Variants in MSX1 observed in about 807,000 individuals in gnomAD.
MSX1 encodes msh homeobox 1, also known as homeobox protein MSX-1.
Under a neutral mutation model 17.0 loss-of-function variants are expected in MSX1, and 11 were observed. The observed-to-expected ratio is 0.65, with a 90% CI of 0.41 to 1.07. MSX1 has a LOEUF of 1.07. MSX1 is among the 50% of genes least tolerant of loss of function. The pLI is 0.00. For missense variants in MSX1, 477 were observed against 440.1 expected, an observed-to-expected ratio of 1.08 and a Z score of -0.75; for synonymous variants, 253 against 211.8, an observed-to-expected ratio of 1.19 and a Z score of -1.69.
At chr4:4,860,398 AGGGGGCCGGGTG>A (rs1212260050) in intron 1 of MSX1, 30 bp downstream of exon 1, 1 of 1,388,862 alleles carries the variant, frequency 7.2e-7, no homozygotes, top group Non-Finnish European at 1.0e-6. Context: ...GCGCAGAGGG[AGGGGGCCGGGTG>A]GGGGCCGGGT....
chr4:4,859,822 G>C lies in MSX1; in HGVS notation c.-78G>C, dbSNP rs1218491601. On this transcript the variant is annotated 5_prime_UTR_variant, in exon 1 of 2. Coordinates refer to ENST00000382723, the MANE Select transcript of MSX1 (RefSeq NM_002448.3). ...AGGGCCCCGGGCGCTCGCAGAGGCCGGCCGCGCTCCCAGCCCGCCCGGAGC... is the reference window on the plus strand; with the variant it reads ...AGGGCCCCGGGCGCTCGCAGAGGCCCGCCGCGCTCCCAGCCCGCCCGGAGC... 2.3e-5 allele frequency: 30 copies of C among 1,283,128 alleles called. No individual in the cohort carries two copies. In the Admixed American group the frequency reaches 9.5e-4, roughly 41 times the overall value. The allele number at this position is 1,283,128 out of a possible 1,614,324, so 79.5% of individuals were successfully genotyped here. A position where few individuals can be genotyped will look rare whatever the true frequency, so the allele number is the denominator to read the frequency against.
Position 4,859,954 on chromosome 4 carries a change from T to C in MSX1, c.55T>C (p.Ser19Pro). ...SLPLGVKVEDSAFGKPAGGGA... is the reference protein window; with the variant it reads ...SLPLGVKVEDPAFGKPAGGGA... ...GCCACTCGGTGTCAAAGTGGAGGACTCCGCCTTCGGCAAGCCGGCGGGGGG... is the reference window on the plus strand; with the variant it reads ...GCCACTCGGTGTCAAAGTGGAGGACCCCGCCTTCGGCAAGCCGGCGGGGGG... Residue 19 changes from serine (S) to proline (P), a missense_variant, in exon 1 of 2, where the codon TCC becomes CCC. By Grantham distance (74) the Ser-to-Pro change is moderately conservative. Coordinates refer to ENST00000382723, the MANE Select transcript of MSX1 (RefSeq NM_002448.3). 6.7e-7 allele frequency: 1 copy of C among 1,494,932 alleles called. No homozygotes were observed. The allele number at this position is 1,494,932 out of a possible 1,614,324, so 92.6% of individuals were successfully genotyped here. A position where few individuals can be genotyped will look rare whatever the true frequency, so the allele number is the denominator to read the frequency against.
rs104893853 is a variant in MSX1, at chr4:4,862,854, C to G, written c.623C>G (p.Ser208Trp). ...SIAERAEFSS[S>W]LSLTETQVKI... ...GCCGAGCGCGCGGAGTTCTCCAGCT[C>G]GCTCAGCCTCACTGAGACGCAGGTG... The change falls in exon 2 of 2, where the codon TCG becomes TGG. Residue 208 changes from serine to tryptophan, a missense_variant. Ser to Trp is a radical substitution (Grantham distance 177). Around this residue, in one of 3 missense-constraint regions of MSX1, gnomAD observed 355 missense variants for 306.1 expected, o/e 1.16. Coordinates refer to ENST00000382723, the MANE Select transcript of MSX1 (RefSeq NM_002448.3). 12 of 1,613,720 alleles carry G rather than the reference C, an allele frequency of 7.4e-6. No individual in the cohort carries two copies. Among genetic ancestry groups the G allele is most frequent in the East Asian group, 2.2e-5 (1 of 44,888 alleles).
chr4:4,859,823 G>GCCGCGCTCCCAGCCCGC lies in MSX1; in HGVS notation c.-73_-57dup. On this transcript the variant is annotated 5_prime_UTR_variant, in exon 1 of 2. Coordinates refer to ENST00000382723, the MANE Select transcript of MSX1 (RefSeq NM_002448.3). Reference sequence around the variant, plus strand: ...GGGCCCCGGGCGCTCGCAGAGGCCGGCCGCGCTCCCAGCCCGCCCGGAGCC... The same window carrying GCCGCGCTCCCAGCCCGC: ...GGGCCCCGGGCGCTCGCAGAGGCCGGCCGCGCTCCCAGCCCGCCCGCGCTCCCAGCCCGCCCGGAGCC... The GCCGCGCTCCCAGCCCGC allele has an allele frequency of 7.7e-7, 1 of 1,290,496 alleles. No homozygotes were observed. The highest frequency in any genetic ancestry group is 3.3e-5 in the East Asian group (1 of 30,072). 79.9% of individuals were successfully genotyped at this position (1,290,496 alleles called of 1,614,324 possible). A position where few individuals can be genotyped will look rare whatever the true frequency, so the allele number is the denominator to read the frequency against.
At chr4:4,860,410 G>A (rs1560309650) in intron 1 of MSX1, 42 bp downstream of exon 1, 1 of 1,411,730 alleles carries the variant, frequency 7.1e-7, no homozygotes, top group Non-Finnish European at 9.2e-7. Flanking sequence ...GGGGCCGGGT[G>A]GGGGCCGGGT....
rs535059955 is a variant in MSX1 at position 4,861,473 on chromosome 4, CTTTGT to C, written c.469+1119_469+1123del. Among the ~76,000 whole-genome samples, 276 of 152,298 alleles carry C rather than the reference CTTTGT, an allele frequency of 1.8e-3. 2 individuals are homozygous for C. The highest frequency in any genetic ancestry group is 5.7e-3 in the African/African-American group (237 of 41,566). ...AAAGTCCAAAGGATCGTTGTGTTTT[CTTTGT>C]TTTGTTTTGTTTTTTCTGTTTGTTT... On this transcript the variant is annotated intron_variant, in intron 1 of 1. Transcript: ENST00000382723.
chr4:4,863,870 T>C lies in MSX1; in HGVS notation c.*727T>C, dbSNP rs1737991687. 6.6e-6 allele frequency: 1 copy of C among 152,598 alleles called. No individual in the cohort carries two copies. Among genetic ancestry groups the C allele is most frequent in the Admixed American group, 6.5e-5 (1 of 15,288 alleles). The allele number at this position is 152,598 out of a possible 1,614,324, so 9.5% of individuals were successfully genotyped here. A position where few individuals can be genotyped will look rare whatever the true frequency, so the allele number is the denominator to read the frequency against. ...GTGTACTATGTAATATACTGTATATTTGAAATTTTATTATCATTTATATTA... is the reference window on the plus strand; with the variant it reads ...GTGTACTATGTAATATACTGTATATCTGAAATTTTATTATCATTTATATTA... On this transcript the variant is annotated 3_prime_UTR_variant, in exon 2 of 2. Transcript: ENST00000382723.
Position 4,863,089 on chromosome 4 carries a change from G to A in MSX1, c.858G>A (p.Ala286=), listed in dbSNP as rs1049609464. Residue 286 remains alanine (A), a synonymous_variant, in exon 2 of 2, where the codon GCG becomes GCA. Coordinates refer to ENST00000382723, the MANE Select transcript of MSX1 (RefSeq NM_002448.3). ...TCCAGCGCGCCGCGCTGCCTGTGGC[G>A]CCCGTGGGACTCTACACGGCCCATG... ...GPFQRAALPV[A]PVGLYTAHVG... 4 of 1,609,042 alleles carry A rather than the reference G, an allele frequency of 2.5e-6. No individual in the cohort carries two copies. The highest frequency in any genetic ancestry group is 3.4e-6 in the Non-Finnish European group (4 of 1,178,780).
chr4:4,863,046 A>T lies in MSX1; in HGVS notation c.815A>T (p.Tyr272Phe), dbSNP rs1377042881. ...GCGGCCGCGGCGGGTGCCTCGCTCT[A>T]CGGTGCCTCTGGCCCCTTCCAGCGC... Reference protein sequence around the residue: ...AVAAAAGASLYGASGPFQRAA... With the variant: ...AVAAAAGASLFGASGPFQRAA... Residue 272 changes from tyrosine (Y) to phenylalanine (F), a missense_variant, in exon 2 of 2, where the codon TAC becomes TTC. Physicochemically the swap from Tyr to Phe is conservative, Grantham distance 22 (BLOSUM62 3). This residue lies in a region of MSX1 where 114 missense variants were observed against 106.3 expected (regional missense o/e 1.07). Transcript: ENST00000382723. The T allele has an allele frequency of 6.2e-7, 1 of 1,609,656 alleles. No homozygotes were observed. The highest frequency in any genetic ancestry group is 1.3e-5 in the African/African-American group (1 of 74,828).
At position 4,862,959 on chromosome 4, in the gene MSX1, A is replaced by G; in HGVS notation, c.728A>G (p.Lys243Arg). The change falls in exon 2 of 2, where the codon AAG (lysine) becomes AGG (arginine). Residue 243 changes from lysine (K) to arginine (R), a missense_variant. Physicochemically the swap from Lys to Arg is conservative, Grantham distance 26 (BLOSUM62 2). Coordinates refer to ENST00000382723, the MANE Select transcript of MSX1 (RefSeq NM_002448.3). ...AELEKLKMAA[K>R]PMLPPAAFGL... is the part of the protein sequence containing the mutation. ...CTGGAGAAGCTGAAGATGGCCGCCA[A>G]GCCCATGCTGCCACCGGCTGCCTTC... 6.2e-7 allele frequency: 1 copy of G among 1,613,214 alleles called. No homozygotes were observed. The highest frequency in any genetic ancestry group is 8.5e-7 in the Non-Finnish European group (1 of 1,179,992).
Position 4,863,099 on chromosome 4 carries a change from C to G in MSX1, c.868C>G (p.Leu290Val). The change falls in exon 2 of 2, where the codon CTC becomes GTC. Residue 290 changes from leucine (L) to valine (V), a missense_variant. Around this residue, in one of 3 missense-constraint regions of MSX1, gnomAD observed 114 missense variants for 106.3 expected, o/e 1.07. Coordinates refer to ENST00000382723, the MANE Select transcript of MSX1 (RefSeq NM_002448.3). ...RAALPVAPVG[L>V]YTAHVGYSMY... is the part of the protein sequence containing the mutation. Reference sequence around the variant, plus strand: ...CGCGCTGCCTGTGGCGCCCGTGGGACTCTACACGGCCCATGTGGGCTACAG... The same window carrying G: ...CGCGCTGCCTGTGGCGCCCGTGGGAGTCTACACGGCCCATGTGGGCTACAG... 6.2e-7 allele frequency: 1 copy of G among 1,609,382 alleles called. No homozygotes were observed. Among genetic ancestry groups the G allele is most frequent in the South Asian group, 1.1e-5 (1 of 90,872 alleles).
chr4:4,859,899 C>T lies in MSX1; in HGVS notation c.-1C>T, dbSNP rs1422181882. On this transcript the variant is annotated 5_prime_UTR_variant, in exon 1 of 2. Transcript: ENST00000382723. ...CGGCAGAAGGGGGGGCCCGGCTCTG[C>T]ATGGCCCCGGCTGCTGACATGACTT... 3.4e-6 allele frequency: 5 copies of T among 1,491,290 alleles called. No homozygotes were observed. The highest frequency in any genetic ancestry group is 2.4e-4 in the Middle Eastern group (1 of 4,196). 92.4% of individuals were successfully genotyped at this position (1,491,290 alleles called of 1,614,324 possible). A position where few individuals can be genotyped will look rare whatever the true frequency, so the allele number is the denominator to read the frequency against.
Position 4,859,989 on chromosome 4 carries a change from C to A in MSX1, c.90C>A (p.Gly30=), listed in dbSNP as rs927420896. 9 of 1,491,160 alleles carry A rather than the reference C, an allele frequency of 6.0e-6. No homozygotes were observed. The highest frequency in any genetic ancestry group is 2.8e-5 in the East Asian group (1 of 35,580). 92.4% of individuals were successfully genotyped at this position (1,491,160 alleles called of 1,614,324 possible). A position where few individuals can be genotyped will look rare whatever the true frequency, so the allele number is the denominator to read the frequency against. ...AFGKPAGGGA[G]QAPSAAAATA... is the part of the protein sequence containing the mutation. ...GCAAGCCGGCGGGGGGAGGCGCGGG[C>A]CAGGCCCCCAGCGCCGCCGCGGCCA... The change falls in exon 1 of 2, where the codon GGC becomes GGA. Residue 30 remains glycine, a synonymous_variant. Coordinates refer to ENST00000382723, the MANE Select transcript of MSX1 (RefSeq NM_002448.3).
At position 4,863,348 on chromosome 4, in the gene MSX1, T is replaced by C. The variant is rs1265565318; in HGVS notation, c.*205T>C. ...CTGGAAGAGTCCCTTAGTACTCTTCTAGCATTTAGATCTACACTCTCGAGT... is the reference window on the plus strand; with the variant it reads ...CTGGAAGAGTCCCTTAGTACTCTTCCAGCATTTAGATCTACACTCTCGAGT... On this transcript the variant is annotated 3_prime_UTR_variant, in exon 2 of 2. Transcript: ENST00000382723. 2 of 379,078 alleles carry C rather than the reference T, an allele frequency of 5.3e-6. No homozygotes were observed. Among genetic ancestry groups the C allele is most frequent in the Non-Finnish European group, 9.1e-6 (2 of 220,600 alleles). 23.5% of individuals were successfully genotyped at this position (379,078 alleles called of 1,614,324 possible). A position where few individuals can be genotyped will look rare whatever the true frequency, so the allele number is the denominator to read the frequency against.
intron 1 of MSX1, among the ~76,000 whole-genome samples, chr4:4,862,126 ACTC>A (rs1264008575): frequency 6.6e-6 from 1 of 152,024 alleles, no homozygotes; most frequent in Non-Finnish European, 1.5e-5. Context: ...TGCGGGAACT[ACTC>A]CTAGAATCCC....
In MSX1 at chr4:4,860,234, C is replaced by T. The variant is rs1737880595; in HGVS notation, c.335C>T (p.Pro112Leu). 3 of 1,576,100 alleles carry T rather than the reference C, an allele frequency of 1.9e-6. No individual in the cohort carries two copies. The highest frequency in any genetic ancestry group is 1.7e-6 in the Non-Finnish European group (2 of 1,169,378). Residue 112 changes from proline to leucine, a missense_variant, in exon 1 of 2, where the codon CCG becomes CTG. Transcript: ENST00000382723. ...GGAGCCCCGGACGCGCCCTCTTCGCCGCGGCCGCTCGGCCATTTCTCGGTG... is the reference window on the plus strand; with the variant it reads ...GGAGCCCCGGACGCGCCCTCTTCGCTGCGGCCGCTCGGCCATTTCTCGGTG... ...SLGAPDAPSS[P>L]RPLGHFSVGG...
At position 4,859,963 on chromosome 4, in the gene MSX1, G is replaced by C. The variant is rs1039605872; in HGVS notation, c.64G>C (p.Gly22Arg). ...TGTCAAAGTGGAGGACTCCGCCTTC[G>C]GCAAGCCGGCGGGGGGAGGCGCGGG... ...LGVKVEDSAF[G>R]KPAGGGAGQA... The change falls in exon 1 of 2, where the codon GGC becomes CGC. Residue 22 changes from glycine to arginine, a missense_variant. Transcript: ENST00000382723. The C allele has an allele frequency of 2.7e-6, 4 of 1,492,432 alleles. No homozygotes were observed. Among genetic ancestry groups the C allele is most frequent in the Non-Finnish European group, 3.6e-6 (4 of 1,121,626 alleles). The allele number at this position is 1,492,432 out of a possible 1,614,324, so 92.4% of individuals were successfully genotyped here.
rs1165404425 is a variant in MSX1 at position 4,863,737 on chromosome 4, C to T, written c.*594C>T. The T allele has an allele frequency of 1.3e-5, 2 of 150,042 alleles. No homozygotes were observed. Among genetic ancestry groups the T allele is most frequent in the African/African-American group, 4.9e-5 (2 of 40,522 alleles). The allele number at this position is 150,042 out of a possible 1,614,324, so 9.3% of individuals were successfully genotyped here. A position where few individuals can be genotyped will look rare whatever the true frequency, so the allele number is the denominator to read the frequency against. On this transcript the variant is annotated 3_prime_UTR_variant, in exon 2 of 2. Coordinates refer to ENST00000382723, the MANE Select transcript of MSX1 (RefSeq NM_002448.3). ...GCAAAGGTAGGTTGAAGGGACCTCT[C>T]TCTTACCAGTACCAGAAACACAATT... is the stretch of plus-strand genomic sequence containing the variant.
At position 4,859,696 on chromosome 4, in the gene MSX1, C is replaced by T. The variant is rs1737859077; in HGVS notation, c.-204C>T. ...CGGAGCCGGCGAGTGCTCCCGGGAA[C>T]TCTGCCTGCGCGGCGGCAGCGACCG... On this transcript the variant is annotated 5_prime_UTR_variant, in exon 1 of 2. Transcript: ENST00000382723. 4.7e-6 allele frequency: 1 copy of T among 211,412 alleles called. No individual in the cohort carries two copies. The highest frequency in any genetic ancestry group is 8.9e-6 in the Non-Finnish European group (1 of 111,784). 13.1% of individuals were successfully genotyped at this position (211,412 alleles called of 1,614,324 possible).
Sources: allele counts gnomAD v4.1 joint callset (sites outside exome capture counted in the v4.1 genomes callset), GRCh38; gene constraint gnomAD v4.1.1; regional missense constraint gnomAD v4.1.1; transcripts MANE v1.5; gene names NCBI Gene and HGNC (gene_info 2026-07-23, HGNC 2026-07-21).